ADAMTS9: variants seen among roughly 807,000 people sequenced by gnomAD.
ADAMTS9 encodes ADAM metallopeptidase with thrombospondin type 1 motif 9.
A neutral mutation model predicts 257.1 loss-of-function variants in ADAMTS9; 107 were observed. The ratio of observed to expected loss-of-function variants is 0.42; its 90% confidence interval spans 0.36 to 0.49. ADAMTS9 has a LOEUF of 0.49. Ranked by LOEUF, ADAMTS9 falls within the 20% of genes least tolerant of loss-of-function variation. The pLI is 0.03. For synonymous variants in ADAMTS9, 982 were observed against 880.9 expected, an observed-to-expected ratio of 1.11 and a Z score of -2.03; for missense variants, 2,353 against 2,469.1, an observed-to-expected ratio of 0.95 and a Z score of 1.00.
At chr3:64,574,610 G>C (rs1248745027) in intron 28 of ADAMTS9, among the ~76,000 whole-genome samples, 1 of 150,766 alleles carries the variant, frequency 6.6e-6, no homozygotes, top group Non-Finnish European at 1.5e-5. Flanking sequence ...ATGCACAGCT[G>C]TTGTTCCAAC....
chr3:64,614,186 C>T (rs1051695590), intron 21 of ADAMTS9, among the ~76,000 whole-genome samples: 1 of 152,154 alleles, frequency 6.6e-6, no homozygotes, highest in Non-Finnish European at 1.5e-5. Flanking sequence ...CCCATTTTAT[C>T]GCATATTATT....
In ADAMTS9 at chr3:64,604,056, T is replaced by C. The variant is rs1377252751; in HGVS notation, c.3613A>G (p.Arg1205Gly). 9.3e-6 allele frequency: 15 copies of C among 1,614,086 alleles called. No homozygotes were observed. The highest frequency in any genetic ancestry group is 1.2e-5 in the Non-Finnish European group (14 of 1,179,998). ...SATCGKGTRM[R>G]YVSCRDENGS... is the part of the protein sequence containing the mutation. ...TTCTCATCTCGGCAGCTGACGTATC[T>C]CATCCGGGTACCTTTCCCACAAGTG... Residue 1205 changes from arginine (R) to glycine (G), a missense_variant, in exon 25 of 40, where the codon AGA (arginine) becomes GGA (glycine). Coordinates refer to ENST00000498707, the MANE Select transcript of ADAMTS9 (RefSeq NM_182920.2).
At chr3:64,569,156 G>A (rs1050197508) in intron 28 of ADAMTS9, 9 of 152,214 alleles carry the variant, frequency 5.9e-5, no homozygotes, top group African/African-American at 1.9e-4. Context: ...ATGTGACCTT[G>A]TCTGACCACA....
At chr3:64,618,673 C>T (rs1021410192) in intron 19 of ADAMTS9, among the ~76,000 whole-genome samples, 2 of 152,154 alleles carry the variant, frequency 1.3e-5, no homozygotes, top group African/African-American at 4.8e-5. Flanking sequence ...GCATTTCACA[C>T]ATATGGCAGA....
intron 3 of ADAMTS9, among the ~76,000 whole-genome samples, chr3:64,662,857 C>T (rs1362977540): frequency 6.6e-6 from 1 of 152,124 alleles, no homozygotes; most frequent in Non-Finnish European, 1.5e-5. Context: ...GCTGACATGA[C>T]ACCACCAAGT....
intron 37 of ADAMTS9, 49 bp from the exon 38 acceptor site, chr3:64,533,319 C>CA: frequency 1.4e-6 from 2 of 1,451,916 alleles, no homozygotes; most frequent in Non-Finnish European, 1.9e-6. Context: ...GTGATGTCCT[C>CA]AAAAAAGCAA....
chr3:64,648,663 C>G (rs1157116231), intron 10 of ADAMTS9, among the ~76,000 whole-genome samples: 2 of 152,012 alleles, frequency 1.3e-5, no homozygotes, highest in Admixed American at 6.6e-5. Flanking sequence ...TTCAAACTAC[C>G]CAGTCTTTTC....
At chr3:64,557,877 C>T (rs997506182) in intron 30 of ADAMTS9, among the ~76,000 whole-genome samples, 1 of 152,134 alleles carries the variant, frequency 6.6e-6, no homozygotes, top group Non-Finnish European at 1.5e-5. Flanking sequence ...TTCTCTTGTC[C>T]AATTATTCTA....
At chr3:64,520,539 TCTA>T (rs1182489571) in intron 39 of ADAMTS9, among the ~76,000 whole-genome samples, 1 of 152,026 alleles carries the variant, frequency 6.6e-6, no homozygotes, top group Non-Finnish European at 1.5e-5. Context: ...GACTTCAAAC[TCTA>T]CTCCAAGGCA....
At chr3:64,650,012 CTGTT>C in intron 9 of ADAMTS9, 1 of 456,772 alleles carries the variant, frequency 2.2e-6, no homozygotes, top group Non-Finnish European at 3.9e-6. Flanking sequence ...AAATATACAC[CTGTT>C]ACAACGTTGA....
intron 38 of ADAMTS9, among the ~76,000 whole-genome samples, chr3:64,525,182 T>C (rs1223340932): frequency 6.6e-6 from 1 of 152,192 alleles, no homozygotes; most frequent in East Asian, 1.9e-4. Context: ...CGATACGAAA[T>C]ATACATTTGT....
chr3:64,561,846 C>T (rs952031469), intron 29 of ADAMTS9, 95 bp from the exon 30 acceptor site: 60 of 1,082,056 alleles, frequency 5.5e-5, no homozygotes, highest in Admixed American at 7.2e-5. Context: ...GAATGCACTC[C>T]TAATCCAATG....
chr3:64,646,584 A>T (rs1700794547), intron 11 of ADAMTS9, among the ~76,000 whole-genome samples: 2 of 152,230 alleles, frequency 1.3e-5, no homozygotes, highest in South Asian at 4.1e-4. Flanking sequence ...TTCTCAGTTG[A>T]TGAGGTCCCA....
chr3:64,668,258 A>G (rs986614864), intron 3 of ADAMTS9, among the ~76,000 whole-genome samples: 8 of 152,230 alleles, frequency 5.3e-5, no homozygotes, highest in African/African-American at 1.9e-4. Flanking sequence ...TAACGTCAAA[A>G]GGAACAGATG....
chr3:64,642,071 C>A (rs1700659837), intron 11 of ADAMTS9, 78 bp from the exon 12 acceptor site: 1 of 1,498,934 alleles, frequency 6.7e-7, no homozygotes, highest in South Asian at 1.2e-5. Flanking sequence ...TTTAAACACA[C>A]CATACTGTAA....
chr3:64,613,946 A>G (rs1008221135), intron 21 of ADAMTS9, among the ~76,000 whole-genome samples: 1 of 152,220 alleles, frequency 6.6e-6, no homozygotes, highest in Admixed American at 6.5e-5. Context: ...AAACAAATAC[A>G]AGTAAAGCTC....
At chr3:64,558,667 A>G (rs2083373350) in intron 30 of ADAMTS9, among the ~76,000 whole-genome samples, 1 of 152,174 alleles carries the variant, frequency 6.6e-6, no homozygotes. Context: ...TATCCTACGG[A>G]CCAAGCATGC....
chr3:64,618,626 G>A (rs1700025696), intron 19 of ADAMTS9, among the ~76,000 whole-genome samples: 1 of 152,058 alleles, frequency 6.6e-6, no homozygotes, highest in Admixed American at 6.6e-5. Flanking sequence ...TATTTCACTG[G>A]GATATTTGGG....
At chr3:64,611,952 GTAT>G (rs2084672322) in intron 22 of ADAMTS9, among the ~76,000 whole-genome samples, 1 of 152,146 alleles carries the variant, frequency 6.6e-6, no homozygotes, top group African/African-American at 2.4e-5. Context: ...GGTTCATTTT[GTAT>G]TATGTGAGTT....
Sources: allele counts gnomAD v4.1 joint callset (sites outside exome capture counted in the v4.1 genomes callset), GRCh38; gene constraint gnomAD v4.1.1; transcripts MANE v1.5; gene names NCBI Gene and HGNC (gene_info 2026-07-23, HGNC 2026-07-21).